Variants in ERGIC1 observed in about 807,000 individuals in gnomAD.
ERGIC1 encodes endoplasmic reticulum-golgi intermediate compartment 1, also known as endoplasmic reticulum-Golgi intermediate compartment protein 1.
A neutral mutation model predicts 38.3 loss-of-function variants in ERGIC1; 19 were observed. The ratio of observed to expected loss-of-function variants is 0.50; its 90% confidence interval spans 0.35 to 0.73. The LOEUF is 0.73. Among genes scored for constraint, ERGIC1 ranks in the 30% least tolerant of loss-of-function variants. The pLI, the probability that ERGIC1 is intolerant of heterozygous loss-of-function variation, is 0.01. For missense variants in ERGIC1, 294 were observed against 389.2 expected (o/e 0.76, Z 2.06); for synonymous variants, 124 against 157.6 (o/e 0.79, Z 1.60).
chr5:172,935,824 T>G (rs1763878138), intron 9 of ERGIC1: 1 of 158,138 alleles, frequency 6.3e-6, no homozygotes, highest in Non-Finnish European at 1.4e-5. Flanking sequence ...TTCAAGCTGA[T>G]GTTAGTTTTC....
chr5:172,921,964 G>T (rs1763531550), intron 5 of ERGIC1, among the ~76,000 whole-genome samples: 1 of 152,238 alleles, frequency 6.6e-6, no homozygotes, highest in South Asian at 2.1e-4. Flanking sequence ...GGCCTTCCCT[G>T]TAACCCCCAT....
chr5:172,915,401 A>C (rs1561734037), intron 5 of ERGIC1: 1 of 409,524 alleles, frequency 2.4e-6, no homozygotes, highest in Non-Finnish European at 4.9e-6. Flanking sequence ...AGAAAGCATC[A>C]GGGATGCTAA....
At chr5:172,848,085 A>G (rs1410054851) in intron 1 of ERGIC1, among the ~76,000 whole-genome samples, 2 of 152,230 alleles carry the variant, frequency 1.3e-5, no homozygotes, top group African/African-American at 4.8e-5. Context: ...TTTCTCGTTG[A>G]TATTCTGAGC....
Position 172,897,009 on chromosome 5 carries a change from C to G in ERGIC1, c.90C>G (p.Ile30Met). 6.2e-7 allele frequency: 1 copy of G among 1,614,142 alleles called. No individual in the cohort carries two copies. The highest frequency in any genetic ancestry group is 1.7e-5 in the Admixed American group (1 of 60,020). ...TTCTGTTGTTTCTTCCAGTCTCCAT[C>G]TGCTGCTGCCTCTTCATCCTCTTCC... ...QPTYTGAIIS[I>M]CCCLFILFLF... The change falls in exon 3 of 10, where the codon ATC becomes ATG. Residue 30 changes from isoleucine (I) to methionine (M), a missense_variant. Transcript: ENST00000393784.
intron 1 of ERGIC1, among the ~76,000 whole-genome samples, chr5:172,840,514 G>T (rs1370692567): frequency 6.6e-6 from 1 of 152,144 alleles, no homozygotes; most frequent in Non-Finnish European, 1.5e-5. Flanking sequence ...CAGCCAAGAC[G>T]GAGGAGAAGT....
rs145711633 is a variant in ERGIC1, at chr5:172,918,738, G to A, written c.375+3900G>A. Reference sequence around the variant, plus strand: ...AGCCAGACGCAGGCCACAGTTGGGGGTTTAAGGCCTTGGAGAGGTTCACAG... The same window carrying A: ...AGCCAGACGCAGGCCACAGTTGGGGATTTAAGGCCTTGGAGAGGTTCACAG... On this transcript the variant is annotated intron_variant, in intron 5 of 9. Coordinates refer to ENST00000393784, the MANE Select transcript of ERGIC1 (RefSeq NM_001031711.3). 3.8e-3 allele frequency among the ~76,000 whole-genome samples: 584 copies of A among 152,338 alleles called. 4 individuals are homozygous for A. Among genetic ancestry groups the A allele is most frequent in the Middle Eastern group, 6.8e-3 (2 of 294 alleles).
intron 7 of ERGIC1, among the ~76,000 whole-genome samples, chr5:172,930,691 A>T (rs1763758696): frequency 6.6e-6 from 1 of 152,122 alleles, no homozygotes; most frequent in South Asian, 2.1e-4. Flanking sequence ...TTGATAAGGC[A>T]TTCACTTTTT....
At chr5:172,886,931 C>T (rs571028599) in intron 1 of ERGIC1, among the ~76,000 whole-genome samples, 1 of 152,232 alleles carries the variant, frequency 6.6e-6, no homozygotes, top group East Asian at 1.9e-4. Context: ...GTTGCAGAGA[C>T]CCCCAACCTC....
In ERGIC1 at chr5:172,834,586, C is replaced by T. The variant is rs1032336733; in HGVS notation, c.20+153C>T. 4.5e-5 allele frequency among the ~76,000 whole-genome samples: 6 copies of T among 133,082 alleles called. No individual in the cohort carries two copies. Among genetic ancestry groups the T allele is most frequent in the South Asian group, 2.6e-4 (1 of 3,818 alleles). The allele number at this position is 133,082 out of a possible 152,430, so 87.3% of individuals were successfully genotyped here. A position where few individuals can be genotyped will look rare whatever the true frequency, so the allele number is the denominator to read the frequency against. On this transcript the variant is annotated intron_variant, in intron 1 of 9. Coordinates refer to ENST00000393784, the MANE Select transcript of ERGIC1 (RefSeq NM_001031711.3). The surrounding 1 kb of genome is among the most constrained non-coding windows in gnomAD (Gnocchi z 4.1). Reference sequence around the variant, plus strand: ...CCCTAGGGACCCCAGGCGAGCCCCCCCCCTGCCGCACACGAAGCCAGCCAG... The same window carrying T: ...CCCTAGGGACCCCAGGCGAGCCCCCTCCCTGCCGCACACGAAGCCAGCCAG...
At chr5:172,901,720 C>A (rs1365315425) in intron 3 of ERGIC1, among the ~76,000 whole-genome samples, 1 of 152,156 alleles carries the variant, frequency 6.6e-6, no homozygotes, top group Non-Finnish European at 1.5e-5. Context: ...GCCTCAGCCT[C>A]CCGAGTGGCT....
intron 7 of ERGIC1, among the ~76,000 whole-genome samples, chr5:172,929,750 A>G (rs1299444035): frequency 6.6e-6 from 1 of 152,232 alleles, no homozygotes; most frequent in East Asian, 1.9e-4. Flanking sequence ...CCTTACTGGC[A>G]GTCAGGCAGC....
intron 1 of ERGIC1, among the ~76,000 whole-genome samples, chr5:172,869,488 C>T (rs972720180): frequency 9.2e-5 from 14 of 152,100 alleles, no homozygotes; most frequent in Admixed American, 2.0e-4. Flanking sequence ...CTCCCTCTGG[C>T]GCCAGACCCC....
intron 4 of ERGIC1, among the ~76,000 whole-genome samples, chr5:172,910,930 TC>T (rs1296364556): frequency 1.3e-5 from 2 of 152,194 alleles, no homozygotes; most frequent in African/African-American, 4.8e-5. Flanking sequence ...GGGTGACCTC[TC>T]CGAGCCTCAG....
At chr5:172,907,042 A>G (rs1165556659) in intron 3 of ERGIC1, among the ~76,000 whole-genome samples, 1 of 150,590 alleles carries the variant, frequency 6.6e-6, no homozygotes, top group Admixed American at 6.6e-5. Flanking sequence ...CCCTCACCTC[A>G]CCCTCCTCCG....
intron 1 of ERGIC1, among the ~76,000 whole-genome samples, chr5:172,853,638 G>C (rs1047811469): frequency 1.3e-5 from 2 of 152,256 alleles, no homozygotes; most frequent in Non-Finnish European, 2.9e-5. Context: ...GTGGGAATCA[G>C]GGTCCAGGCC....
chr5:172,851,209 A>T (rs1377363031), intron 1 of ERGIC1, among the ~76,000 whole-genome samples: 1 of 150,378 alleles, frequency 6.6e-6, no homozygotes. Flanking sequence ...TCAAAAAAAA[A>T]AAAAAAAAAA....
intron 1 of ERGIC1, among the ~76,000 whole-genome samples, chr5:172,868,225 A>T (rs1295498744): frequency 1.3e-5 from 2 of 152,178 alleles, no homozygotes; most frequent in African/African-American, 4.8e-5. Flanking sequence ...CATTTTACAG[A>T]TGTAAAACAC....
intron 5 of ERGIC1, among the ~76,000 whole-genome samples, chr5:172,918,868 C>A (rs1246425776): frequency 1.3e-5 from 2 of 152,324 alleles, no homozygotes; most frequent in African/African-American, 4.8e-5. Flanking sequence ...CACCCACAGG[C>A]CTCAGCTGAT....
intron 2 of ERGIC1, among the ~76,000 whole-genome samples, chr5:172,890,726 C>T (rs1231679155): frequency 3.9e-5 from 6 of 152,214 alleles, no homozygotes; most frequent in Non-Finnish European, 8.8e-5. Context: ...GGCCTCCTTG[C>T]ACCCCACAAG....
Sources: allele counts gnomAD v4.1 joint callset (sites outside exome capture counted in the v4.1 genomes callset), GRCh38; gene constraint gnomAD v4.1.1; non-coding constraint Gnocchi (gnomAD v3.1); transcripts MANE v1.5; gene names NCBI Gene and HGNC (gene_info 2026-07-23, HGNC 2026-07-21).